The following JARID2 variants were observed in gnomAD, a reference collection of about 807,000 sequenced individuals.
JARID2 encodes the protein protein Jumonji.
JARID2 carries 21 observed loss-of-function variants against 125.6 expected under a neutral mutation model. That is an observed-to-expected ratio of 0.17 (90% CI 0.12 to 0.24). The LOEUF is 0.24. Ranked by LOEUF, JARID2 falls within the 10% of genes least tolerant of loss-of-function variation. JARID2 has a pLI of 1.00. For missense variants in JARID2, 1,303 were observed against 1,639.6 expected (o/e 0.79, Z 3.55); for synonymous variants, 736 against 661.6 (o/e 1.11, Z -1.73).
chr6:15,325,584 A>C (rs573331572), intron 1 of JARID2, among the ~76,000 whole-genome samples: 1 of 152,142 alleles, frequency 6.6e-6, no homozygotes, highest in Non-Finnish European at 1.5e-5. Flanking sequence ...CTTTTTGTCA[A>C]CTTGGGACTT....
chr6:15,496,596 C>T lies in JARID2; in HGVS notation c.1371C>T (p.Pro457=). The T allele has an allele frequency of 6.2e-7, 1 of 1,602,988 alleles. No individual in the cohort carries two copies. Among genetic ancestry groups the T allele is most frequent in the Non-Finnish European group, 8.5e-7 (1 of 1,176,216 alleles). The change falls in exon 7 of 18, where the codon CCC becomes CCT. Residue 457 remains proline, a synonymous_variant. Coordinates refer to ENST00000341776, the MANE Select transcript of JARID2 (RefSeq NM_004973.4). ...AHQAEKPQSP[P]KKMKGAAGPA... Reference sequence around the variant, plus strand: ...AGGCGGAGAAGCCGCAGTCGCCCCCCAAGAAGATGAAAGGGGCGGCTGGCC... The same window carrying T: ...AGGCGGAGAAGCCGCAGTCGCCCCCTAAGAAGATGAAAGGGGCGGCTGGCC...
intron 1 of JARID2, among the ~76,000 whole-genome samples, chr6:15,360,011 A>G (rs973324373): frequency 2.0e-5 from 3 of 152,050 alleles, no homozygotes; most frequent in African/African-American, 7.2e-5. Flanking sequence ...TAAGTCCTCC[A>G]CTGTTACATT....
intron 1 of JARID2, among the ~76,000 whole-genome samples, chr6:15,330,403 A>G (rs1446463122): frequency 6.6e-6 from 1 of 152,232 alleles, no homozygotes; most frequent in Non-Finnish European, 1.5e-5. Flanking sequence ...GTGTGGCCAG[A>G]GTTTGATACA....
At chr6:15,388,424 A>G (rs947835274) in intron 2 of JARID2, among the ~76,000 whole-genome samples, 6 of 151,950 alleles carry the variant, frequency 3.9e-5, no homozygotes, top group Non-Finnish European at 8.8e-5. Flanking sequence ...AATCTCATCT[A>G]TCCTTTTAGC....
chr6:15,475,103 A>G (rs1001745017), intron 5 of JARID2, among the ~76,000 whole-genome samples: 6 of 152,242 alleles, frequency 3.9e-5, no homozygotes, highest in Non-Finnish European at 7.3e-5. Flanking sequence ...CTTTCCTGCA[A>G]AATTTCACTG....
At chr6:15,247,058 T>C (rs1300313197) in intron 1 of JARID2, among the ~76,000 whole-genome samples, 3 of 152,256 alleles carry the variant, frequency 2.0e-5, no homozygotes, top group Non-Finnish European at 4.4e-5. Context: ...CTCTTTGCAC[T>C]GGCACATCAA....
rs904416325 is a variant in JARID2, at chr6:15,487,516, C to T, written c.880C>T (p.Arg294Trp). ...AATHHHPPLH[R>W]SAQDLRKQVS... ...CACCCATCACCACCCCCCTCTGCAT[C>T]GGTCGGCTCAGGACTTACGGAAACA... The change falls in exon 6 of 18, where the codon CGG becomes TGG. Residue 294 changes from arginine (R) to tryptophan (W), a missense_variant. By Grantham distance (101) the Arg-to-Trp change is moderately radical. Around this residue, in one of 11 missense-constraint regions of JARID2, gnomAD observed 651 missense variants for 581.6 expected, o/e 1.12. Coordinates refer to ENST00000341776, the MANE Select transcript of JARID2 (RefSeq NM_004973.4). 8 of 1,613,410 alleles carry T rather than the reference C, an allele frequency of 5.0e-6. No individual in the cohort carries two copies. Among genetic ancestry groups the T allele is most frequent in the East Asian group, 2.2e-5 (1 of 44,868 alleles).
intron 1 of JARID2, among the ~76,000 whole-genome samples, chr6:15,271,282 A>C (rs1760286795): frequency 6.6e-6 from 1 of 152,180 alleles, no homozygotes; most frequent in African/African-American, 2.4e-5. Context: ...GGATCTTGTT[A>C]AAATGCAGCT....
chr6:15,412,864 G>GAAGATGAGAAGTTGAGCCTAAAGT (rs1765941930), intron 3 of JARID2, among the ~76,000 whole-genome samples: 1 of 152,110 alleles, frequency 6.6e-6, no homozygotes, highest in Non-Finnish European at 1.5e-5. Context: ...TGCTGACTCT[G>GAAGATGAGAAGTTGAGCCTAAAGT]AAGATGAGAA....
At position 15,512,942 on chromosome 6, in the gene JARID2, C is replaced by T; in HGVS notation, c.3163C>T (p.Pro1055Ser). The part of the protein sequence containing the change: ...KEMKRRHIAK[P>S]FSMEKLLYQI... ...AATGAAGCGTCGCCATATAGCTAAG[C>T]CATTCTCCATGGAGAAGTTACTCTA... The change falls in exon 15 of 18, where the codon CCA becomes TCA. Residue 1055 changes from proline to serine, a missense_variant. Coordinates refer to ENST00000341776, the MANE Select transcript of JARID2 (RefSeq NM_004973.4). 6.2e-7 allele frequency: 1 copy of T among 1,613,766 alleles called. No homozygotes were observed.
chr6:15,496,153 ACTCGAATGTCAT>A lies in JARID2; in HGVS notation c.932_943del (p.Arg311_Ser314del). On this transcript the variant is annotated inframe_deletion, in exon 7 of 18. Coordinates refer to ENST00000341776, the MANE Select transcript of JARID2 (RefSeq NM_004973.4). ...ACAGGTTTCTAAGGTAAACGGAGTC[ACTCGAATGTCAT>A]CTCTGGGTGCAGGTGTAACCAGTGC... The A allele has an allele frequency of 1.2e-6, 2 of 1,612,652 alleles. No individual in the cohort carries two copies. The highest frequency in any genetic ancestry group is 1.7e-6 in the Non-Finnish European group (2 of 1,179,014).
At chr6:15,498,605 C>T (rs922260759) in intron 7 of JARID2, among the ~76,000 whole-genome samples, 3 of 152,190 alleles carry the variant, frequency 2.0e-5, no homozygotes, top group South Asian at 4.1e-4. Context: ...GGCATGGAGA[C>T]GTGTAGCCAT....
At chr6:15,372,432 C>T (rs1045871962) in intron 1 of JARID2, among the ~76,000 whole-genome samples, 2 of 152,120 alleles carry the variant, frequency 1.3e-5, no homozygotes, top group South Asian at 2.1e-4. Context: ...GATCTTGGCT[C>T]ACTGCAACCT....
chr6:15,443,789 A>T (rs1003600064), intron 3 of JARID2, among the ~76,000 whole-genome samples: 4 of 152,176 alleles, frequency 2.6e-5, no homozygotes, highest in Non-Finnish European at 4.4e-5. Flanking sequence ...AATAGTCCTT[A>T]AAAAAACCAC....
chr6:15,332,196 CTAT>C (rs1762733024), intron 1 of JARID2, among the ~76,000 whole-genome samples: 1 of 152,164 alleles, frequency 6.6e-6, no homozygotes, highest in Non-Finnish European at 1.5e-5. Context: ...GCAGAAACAA[CTAT>C]TGATAATTTA....
chr6:15,450,055 T>C (rs1390629850), intron 3 of JARID2, among the ~76,000 whole-genome samples: 1 of 152,210 alleles, frequency 6.6e-6, no homozygotes, highest in Non-Finnish European at 1.5e-5. Context: ...TTTTAAATGT[T>C]ACAGCATTTT....
intron 16 of JARID2, among the ~76,000 whole-genome samples, chr6:15,516,155 T>C (rs548885993): frequency 6.6e-6 from 1 of 152,316 alleles, no homozygotes; most frequent in South Asian, 2.1e-4. Flanking sequence ...TCCAAGGTCT[T>C]GTTTCTGTCA....
intron 1 of JARID2, among the ~76,000 whole-genome samples, chr6:15,296,920 G>A (rs1310163480): frequency 6.6e-6 from 1 of 152,164 alleles, no homozygotes; most frequent in Non-Finnish European, 1.5e-5. Context: ...GCACCTCAGG[G>A]CTGGCCCTGT....
At chr6:15,510,511 T>C (rs1726675155) in intron 12 of JARID2, among the ~76,000 whole-genome samples, 1 of 152,124 alleles carries the variant, frequency 6.6e-6, no homozygotes. Flanking sequence ...TCCCACCTTT[T>C]CTTACACTTG....
Sources: gnomAD v4.1 joint callset for allele counts (sites outside exome capture counted in the v4.1 genomes callset) on GRCh38, gnomAD v4.1.1 for gene constraint, gnomAD v4.1.1 regional missense constraint, MANE v1.5 for transcripts, NCBI Gene and HGNC (gene_info 2026-07-23, HGNC 2026-07-21) for gene names.